Variants in GULP1 observed in about 807,000 individuals in gnomAD.
GULP1 encodes the protein PTB domain-containing engulfment adapter protein 1.
A neutral mutation model predicts 40.9 loss-of-function variants in GULP1; 19 were observed. That is an observed-to-expected ratio of 0.46 (90% CI 0.32 to 0.68). The LOEUF (loss-of-function observed/expected upper bound fraction) is 0.68, where lower values mean the gene tolerates loss of function less well. Among genes scored for constraint, GULP1 ranks in the 30% least tolerant of loss-of-function variants. The pLI is 0.03. For missense variants in GULP1, 312 were observed against 362.2 expected (o/e 0.86, Z 1.12); for synonymous variants, 119 against 117.6 (o/e 1.01, Z -0.08).
At chr2:188,320,865 T>G (rs987508446) in intron 1 of GULP1, among the ~76,000 whole-genome samples, 4 of 151,818 alleles carry the variant, frequency 2.6e-5, no homozygotes, top group African/African-American at 9.7e-5. Flanking sequence ...GGATATGTTT[T>G]CAGACATGTT....
chr2:188,443,129 A>G (rs112606728), intron 2 of GULP1, among the ~76,000 whole-genome samples: 37 of 151,544 alleles, frequency 2.4e-4, no homozygotes, highest in African/African-American at 7.5e-4. Context: ...GATGCACCAG[A>G]GAAATGTAAG....
At chr2:188,590,984 G>T (rs544351912) in intron 11 of GULP1, 2 of 151,908 alleles carry the variant, frequency 1.3e-5, no homozygotes, top group South Asian at 2.1e-4. Context: ...GAATTGAAAA[G>T]AAAATTTTAT....
intron 7 of GULP1, among the ~76,000 whole-genome samples, chr2:188,562,780 G>C (rs541568402): frequency 6.6e-6 from 1 of 152,064 alleles, no homozygotes; most frequent in Non-Finnish European, 1.5e-5. Flanking sequence ...TATACTATAT[G>C]CTGGGCCATA....
At chr2:188,511,937 G>GT (rs1559327784) in intron 4 of GULP1, among the ~76,000 whole-genome samples, 2 of 151,786 alleles carry the variant, frequency 1.3e-5, no homozygotes, top group Non-Finnish European at 2.9e-5. Flanking sequence ...ATCTATTTTA[G>GT]TTTTTTTCAG....
At position 188,595,420 on chromosome 2, in the gene GULP1, T is replaced by C. The variant is rs1029525168; in HGVS notation, c.*1409T>C. On this transcript the variant is annotated 3_prime_UTR_variant, in exon 12 of 12. Coordinates refer to ENST00000409830, the MANE Select transcript of GULP1 (RefSeq NM_016315.4). ...TCAAATATGCTTATGCAATATATAT[T>C]TGTGTGTTTTTCCTTAATGTTATAT... 2 of 152,144 alleles carry C rather than the reference T, an allele frequency of 1.3e-5. No individual in the cohort carries two copies. Among genetic ancestry groups the C allele is most frequent in the Non-Finnish European group, 3.0e-5 (2 of 67,728 alleles). 9.4% of individuals were successfully genotyped at this position (152,144 alleles called of 1,614,324 possible). A position where few individuals can be genotyped will look rare whatever the true frequency, so the allele number is the denominator to read the frequency against.
intron 9 of GULP1, among the ~76,000 whole-genome samples, chr2:188,581,449 A>G (rs758417672): frequency 5.3e-5 from 8 of 152,206 alleles, no homozygotes; most frequent in Non-Finnish European, 8.8e-5. Flanking sequence ...CTATAGCAGT[A>G]AATGAATAAA....
chr2:188,369,108 A>G (rs987003459), intron 1 of GULP1, among the ~76,000 whole-genome samples: 7 of 150,712 alleles, frequency 4.6e-5, no homozygotes, highest in African/African-American at 7.3e-5. Context: ...CTACAGGTGC[A>G]TGCCACCACA....
chr2:188,581,071 C>T (rs551148036), intron 9 of GULP1, among the ~76,000 whole-genome samples: 7 of 152,140 alleles, frequency 4.6e-5, no homozygotes, highest in Non-Finnish European at 1.0e-4. Flanking sequence ...ATCTAGTACT[C>T]AGGTGCCCTG....
At chr2:188,549,573 A>G (rs1692917859) in intron 7 of GULP1, among the ~76,000 whole-genome samples, 1 of 151,844 alleles carries the variant, frequency 6.6e-6, no homozygotes, top group Non-Finnish European at 1.5e-5. Context: ...TTCAGGAAAA[A>G]CAGTTTGGCA....
chr2:188,302,610 T>C (rs11689113), intron 1 of GULP1, among the ~76,000 whole-genome samples: 1,744 of 152,226 alleles, frequency 0.011, 14 homozygotes, highest in Non-Finnish European at 0.02. Flanking sequence ...AATACAGACA[T>C]ACAGTAAACT....
intron 2 of GULP1, among the ~76,000 whole-genome samples, chr2:188,413,026 T>C (rs2054113376): frequency 6.6e-6 from 1 of 152,176 alleles, no homozygotes; most frequent in Non-Finnish European, 1.5e-5. Flanking sequence ...TTAAGTGATT[T>C]GTCCAAATAC....
intron 4 of GULP1, among the ~76,000 whole-genome samples, chr2:188,517,936 T>C (rs550915506): frequency 1.4e-4 from 22 of 152,086 alleles, no homozygotes; most frequent in Non-Finnish European, 2.9e-4. Flanking sequence ...ATTCTTCAGA[T>C]AGTTAACAAC....
At chr2:188,538,580 C>T (rs1270840965) in intron 6 of GULP1, among the ~76,000 whole-genome samples, 1 of 151,792 alleles carries the variant, frequency 6.6e-6, no homozygotes, top group Non-Finnish European at 1.5e-5. Flanking sequence ...TTCTTGAATG[C>T]ATTAAAAATG....
chr2:188,441,674 A>G (rs775163917), intron 2 of GULP1, among the ~76,000 whole-genome samples: 7 of 152,186 alleles, frequency 4.6e-5, no homozygotes, highest in Non-Finnish European at 8.8e-5. Context: ...GAGCAATAAG[A>G]TGGAGAAAAG....
At chr2:188,528,251 G>A (rs1366843908) in intron 5 of GULP1, among the ~76,000 whole-genome samples, 1 of 152,006 alleles carries the variant, frequency 6.6e-6, no homozygotes, top group Non-Finnish European at 1.5e-5. Flanking sequence ...CTATATATAT[G>A]TTGTGTTTGT....
intron 10 of GULP1, among the ~76,000 whole-genome samples, chr2:188,586,922 A>G (rs1335900016): frequency 6.6e-6 from 1 of 151,886 alleles, no homozygotes; most frequent in African/African-American, 2.4e-5. Context: ...TTTAGGGTAC[A>G]TGTGCACATT....
rs1041242978 is a variant in GULP1, at chr2:188,566,087, G to A, written c.400-3152G>A. Among the ~76,000 whole-genome samples the A allele has an allele frequency of 2.0e-5, 3 of 152,070 alleles. No homozygotes were observed. In the South Asian group the frequency reaches 6.2e-4, roughly 32 times the overall value. Reference sequence around the variant, plus strand: ...AAATATTCTTTATTTTTAATAAGTTGGAGATTATATATCTTATATGATTCA... The same window carrying A: ...AAATATTCTTTATTTTTAATAAGTTAGAGATTATATATCTTATATGATTCA... On this transcript the variant is annotated intron_variant, in intron 7 of 11. Coordinates refer to ENST00000409830, the MANE Select transcript of GULP1 (RefSeq NM_016315.4).
At chr2:188,572,525 C>T (rs1454579623) in intron 9 of GULP1, among the ~76,000 whole-genome samples, 2 of 152,052 alleles carry the variant, frequency 1.3e-5, no homozygotes, top group East Asian at 1.9e-4. Flanking sequence ...TTATTGTATC[C>T]TTGATCATTA....
At chr2:188,360,081 A>G (rs989104418) in intron 1 of GULP1, among the ~76,000 whole-genome samples, 7 of 152,038 alleles carry the variant, frequency 4.6e-5, no homozygotes, top group African/African-American at 1.7e-4. Context: ...CATTGGCAAG[A>G]TGCTCTGCTG....
Sources: allele counts gnomAD v4.1 joint callset (sites outside exome capture counted in the v4.1 genomes callset), GRCh38; gene constraint gnomAD v4.1.1; transcripts MANE v1.5; gene names NCBI Gene and HGNC (gene_info 2026-07-23, HGNC 2026-07-21).